The following AFAP1 variants were observed in gnomAD, a reference collection of about 807,000 sequenced individuals.
AFAP1 encodes actin filament associated protein 1.
Under a neutral mutation model 93.9 loss-of-function variants are expected in AFAP1, and 75 were observed. That is an observed-to-expected ratio of 0.80 (90% CI 0.66 to 0.97). The LOEUF (loss-of-function observed/expected upper bound fraction) is 0.97, where lower values mean the gene tolerates loss of function less well. Ranked by LOEUF, AFAP1 falls within the 50% of genes least tolerant of loss-of-function variation. The pLI is 0.00. For synonymous variants in AFAP1, 517 were observed against 430.7 expected, an observed-to-expected ratio of 1.20 and a Z score of -2.48; for missense variants, 1,201 against 1,050.8, an observed-to-expected ratio of 1.14 and a Z score of -1.98.
chr4:7,841,144 G>T (rs890845703), intron 5 of AFAP1, among the ~76,000 whole-genome samples: 1 of 152,228 alleles, frequency 6.6e-6, no homozygotes, highest in Non-Finnish European at 1.5e-5. Context: ...GGAGGTTTAT[G>T]AATGGGCGTC....
At chr4:7,800,242 T>C (rs1718894608) in intron 10 of AFAP1, among the ~76,000 whole-genome samples, 200 bp downstream of exon 10, 2 of 150,326 alleles carry the variant, frequency 1.3e-5, no homozygotes, top group South Asian at 2.1e-4. Flanking sequence ...GTCATTGTCG[T>C]ATCTCCCAGA....
chr4:7,770,503 C>T (rs1314746816), intron 16 of AFAP1, among the ~76,000 whole-genome samples: 1 of 152,174 alleles, frequency 6.6e-6, no homozygotes, highest in East Asian at 1.9e-4. Flanking sequence ...CAACTGCTTC[C>T]AAAGTTCACC....
intron 8 of AFAP1, among the ~76,000 whole-genome samples, chr4:7,815,234 G>C (rs1425848665): frequency 6.6e-6 from 1 of 151,450 alleles, no homozygotes. Context: ...GCAAAATCGG[G>C]TGCCAGGGGC....
Position 7,786,192 on chromosome 4 carries a change from A to G in AFAP1, c.1530+2T>C. The stretch of plus-strand genomic sequence containing the variant: ...CCATTACTCCAAAAAAAGGGCACTC[A>G]CCGAGCCGTTGATGCACGGGACATC... On this transcript the variant is annotated splice_donor_variant, in intron 12 of 17. Transcript: ENST00000420658. LOFTEE classifies it high-confidence loss of function. The G allele has an allele frequency of 3.1e-6, 5 of 1,613,288 alleles. No individual in the cohort carries two copies. The highest frequency in any genetic ancestry group is 4.2e-6 in the Non-Finnish European group (5 of 1,179,452).
At chr4:7,819,296 G>T (rs1313275554) in intron 6 of AFAP1, 125 bp from the exon 7 acceptor site, 1 of 781,396 alleles carries the variant, frequency 1.3e-6, no homozygotes, top group Non-Finnish European at 1.9e-6. Context: ...AAAGCACCTG[G>T]CTCTGAGTTC....
chr4:7,819,835 G>C (rs1321999009), intron 6 of AFAP1, among the ~76,000 whole-genome samples: 1 of 152,162 alleles, frequency 6.6e-6, no homozygotes, highest in Non-Finnish European at 1.5e-5. Flanking sequence ...CTAGTGCCTG[G>C]GTTTAATCCT....
At chr4:7,925,294 G>C (rs1297384700) in intron 1 of AFAP1, among the ~76,000 whole-genome samples, 1 of 152,310 alleles carries the variant, frequency 6.6e-6, no homozygotes, top group African/African-American at 2.4e-5. Context: ...CACAAAACGC[G>C]GCTTCCTTGA....
chr4:7,920,642 G>C (rs1474534701), intron 1 of AFAP1, among the ~76,000 whole-genome samples: 11 of 152,100 alleles, frequency 7.2e-5, no homozygotes, highest in Non-Finnish European at 1.3e-4. Flanking sequence ...AAGGTCAAAG[G>C]GTTACTAACA....
chr4:7,901,111 T>A (rs1878325), intron 1 of AFAP1, among the ~76,000 whole-genome samples: 69,345 of 152,114 alleles, frequency 0.46, 18,195 homozygotes, highest in Non-Finnish European at 0.61. Context: ...GAATGCAGTT[T>A]GGGACCTACC....
chr4:7,880,946 C>G (rs1259267317), intron 1 of AFAP1, among the ~76,000 whole-genome samples: 1 of 152,222 alleles, frequency 6.6e-6, no homozygotes, highest in Non-Finnish European at 1.5e-5. Context: ...TCACACTTTA[C>G]TGATGTGCAA....
At chr4:7,766,606 CAG>C (rs537996139) in intron 17 of AFAP1, among the ~76,000 whole-genome samples, 138 of 129,388 alleles carry the variant, frequency 1.1e-3, no homozygotes, top group African/African-American at 2.9e-3. Context: ...GGGAGGGAAA[CAG>C]AATCTCCAGG....
intron 1 of AFAP1, among the ~76,000 whole-genome samples, chr4:7,900,039 C>G (rs998508365): frequency 6.6e-6 from 1 of 152,122 alleles, no homozygotes; most frequent in Admixed American, 6.5e-5. Context: ...ATGGCAAATA[C>G]CCCCAGCAAC....
chr4:7,827,423 T>G (rs935585300), intron 6 of AFAP1, among the ~76,000 whole-genome samples: 40 of 151,116 alleles, frequency 2.6e-4, no homozygotes, highest in African/African-American at 8.5e-4. Context: ...AATACAAAAT[T>G]AGCTGCAGGT....
At chr4:7,828,681 T>C (rs1721641705) in intron 6 of AFAP1, among the ~76,000 whole-genome samples, 1 of 152,228 alleles carries the variant, frequency 6.6e-6, no homozygotes, top group African/African-American at 2.4e-5. Flanking sequence ...GAACACTCTG[T>C]CTTAGCATCT....
intron 10 of AFAP1, among the ~76,000 whole-genome samples, chr4:7,795,405 C>CTTTTTTTT (rs35550085): frequency 4.8e-5 from 3 of 62,100 alleles, no homozygotes; most frequent in East Asian, 3.7e-4. Flanking sequence ...AAAACAAAAT[C>CTTTTTTTT]TTTTTTTTTT....
In AFAP1 at chr4:7,761,881, G is replaced by GTGGCGTCCCCGC; in HGVS notation, c.*1872_*1883dup. ...AATGCAGCGGACGGCCCTGAGGTGT[G>GTGGCGTCCCCGC]TGGCGTCCCCGCCCGACCTGCCTGG... On this transcript the variant is annotated 3_prime_UTR_variant, in exon 18 of 18. Coordinates refer to ENST00000420658, the MANE Select transcript of AFAP1 (RefSeq NM_001134647.2). 1 of 152,344 alleles carries GTGGCGTCCCCGC rather than the reference G, an allele frequency of 6.6e-6. No individual in the cohort carries two copies. The highest frequency in any genetic ancestry group is 1.5e-5 in the Non-Finnish European group (1 of 68,142). 9.4% of individuals were successfully genotyped at this position (152,344 alleles called of 1,614,324 possible).
intron 8 of AFAP1, among the ~76,000 whole-genome samples, chr4:7,815,574 A>C (rs1720400779): frequency 6.6e-6 from 1 of 152,190 alleles, no homozygotes. Flanking sequence ...ATACCTGCTC[A>C]AGATCATGGG....
intron 13 of AFAP1, 129 bp from the exon 14 acceptor site, chr4:7,779,005 A>T (rs1156949986): frequency 2.8e-6 from 2 of 706,880 alleles, no homozygotes; most frequent in Non-Finnish European, 4.6e-6. Context: ...TGGAGGAAAA[A>T]TCGAAAGTGA....
At chr4:7,792,387 A>C (rs182121589) in intron 11 of AFAP1, among the ~76,000 whole-genome samples, 1 of 152,238 alleles carries the variant, frequency 6.6e-6, no homozygotes, top group East Asian at 1.9e-4. Context: ...TCTCAGCAGG[A>C]GTCTATGGGT....
Sources: gnomAD v4.1 joint callset for allele counts (sites outside exome capture counted in the v4.1 genomes callset) on GRCh38, gnomAD v4.1.1 for gene constraint, MANE v1.5 for transcripts, NCBI Gene and HGNC (gene_info 2026-07-23, HGNC 2026-07-21) for gene names.